Variants in TTC21A observed in about 807,000 individuals in gnomAD.
TTC21A encodes tetratricopeptide repeat domain 21A, also known as tetratricopeptide repeat protein 21A.
TTC21A carries 128 observed loss-of-function variants against 156.4 expected under a neutral mutation model. The observed-to-expected ratio is 0.82, with a 90% confidence interval of 0.71 to 0.95. The LOEUF (loss-of-function observed/expected upper bound fraction) is 0.95, where lower values mean the gene tolerates loss of function less well. Ranked by LOEUF, TTC21A falls within the 40% of genes least tolerant of loss-of-function variation. The pLI, the probability that TTC21A is intolerant of heterozygous loss-of-function variation, is 0.00. For missense variants in TTC21A, 1,435 were observed against 1,602.3 expected (o/e 0.90, Z 1.78); for synonymous variants, 587 against 617.1 (o/e 0.95, Z 0.72).
At position 39,129,155 on chromosome 3, in the gene TTC21A, G is replaced by T; in HGVS notation, c.1980G>T (p.Val660=). The T allele has an allele frequency of 6.2e-7, 1 of 1,614,266 alleles. No homozygotes were observed. The highest frequency in any genetic ancestry group is 1.3e-5 in the African/African-American group (1 of 75,070). ...AGAACCGCATCACCATTGCCAACGT[G>T]GACTTGGTCCTGAGCAAGGGCAATG... is the stretch of plus-strand genomic sequence containing the variant. ...PEENRITIAN[V]DLVLSKGNVD... The change falls in exon 15 of 29, where the codon GTG becomes GTT. Residue 660 remains valine (V), a synonymous_variant. Transcript: ENST00000683103.
At chr3:39,111,962 G>A (rs2036867242) in intron 4 of TTC21A, among the ~76,000 whole-genome samples, 1 of 152,180 alleles carries the variant, frequency 6.6e-6, no homozygotes, top group Non-Finnish European at 1.5e-5. Context: ...AGGTCCACGA[G>A]CTCAGAACGG....
chr3:39,112,558 A>C lies in TTC21A; in HGVS notation c.536A>C (p.Asp179Ala). The change falls in exon 5 of 29, where the codon GAT (aspartate) becomes GCT (alanine). Residue 179 changes from aspartate (D) to alanine (A), a missense_variant. Asp to Ala is a moderately radical substitution (Grantham distance 126, BLOSUM62 -2). Coordinates refer to ENST00000683103, the MANE Select transcript of TTC21A (RefSeq NM_001366900.1). Reference protein sequence around the residue: ...YLEQGIQDTKDVLGLMGKAMY... With the variant: ...YLEQGIQDTKAVLGLMGKAMY... ...GAACAAGGAATTCAGGACACCAAAG[A>C]TGTGCTGGGGCTGATGGGAAAGGTG... is the stretch of plus-strand genomic sequence containing the variant. 1 of 1,614,136 alleles carries C rather than the reference A, an allele frequency of 6.2e-7. No individual in the cohort carries two copies.
intron 9 of TTC21A, among the ~76,000 whole-genome samples, chr3:39,122,531 A>G (rs2037858795): frequency 6.6e-6 from 1 of 152,178 alleles, no homozygotes; most frequent in Non-Finnish European, 1.5e-5. Flanking sequence ...AAAAACTAAA[A>G]AAGACGAGCT....
Position 39,124,041 on chromosome 3 carries a change from A to C in TTC21A, c.1094-1022A>C, listed in dbSNP as rs145383462. Among the ~76,000 whole-genome samples, 15 of 152,326 alleles carry C rather than the reference A, an allele frequency of 9.8e-5. No individual in the cohort carries two copies. The East Asian group carries it at 2.7e-3, about 27-fold the overall frequency. ...GAGGTTATGAAGAAAGGATATTTTA[A>C]ATTCTTGATAGTAATATAAGTTCAA... On this transcript the variant is annotated intron_variant, in intron 9 of 28. Coordinates refer to ENST00000683103, the MANE Select transcript of TTC21A (RefSeq NM_001366900.1).
At position 39,128,347 on chromosome 3, in the gene TTC21A, C is replaced by T; in HGVS notation, c.1539C>T (p.Ala513=). 6.2e-7 allele frequency: 1 copy of T among 1,614,120 alleles called. No homozygotes were observed. Among genetic ancestry groups the T allele is most frequent in the Non-Finnish European group, 8.5e-7 (1 of 1,179,994 alleles). The stretch of plus-strand genomic sequence containing the variant: ...TATTTCTAGGAGAGCTAGAGAATGC[C>T]CAGAGCATCCTGCAGCGTTGCCTGG... ...VRYYSGELEN[A]QSILQRCLEL... The change falls in exon 13 of 29, where the codon GCC becomes GCT. Residue 513 remains alanine (A), a synonymous_variant. Coordinates refer to ENST00000683103, the MANE Select transcript of TTC21A (RefSeq NM_001366900.1).
At chr3:39,136,771 C>T in intron 23 of TTC21A, 128 bp from the exon 24 acceptor site, 1 of 1,294,954 alleles carries the variant, frequency 7.7e-7, no homozygotes, top group African/African-American at 1.5e-5. Flanking sequence ...CGCATCTCCT[C>T]CAGGGGAGCT....
chr3:39,123,850 C>A (rs1035610141), intron 9 of TTC21A, among the ~76,000 whole-genome samples: 11 of 151,924 alleles, frequency 7.2e-5, no homozygotes, highest in Admixed American at 7.2e-4. Context: ...AAAATCACCC[C>A]CCCCAAAAAA....
Position 39,134,319 on chromosome 3 carries a change from C to T in TTC21A, c.2853C>T (p.Thr951=), listed in dbSNP as rs916387868. ...ILLQTEQNHE[T]ASVLMADLMF... ...TGCAGACTGAGCAGAACCATGAGACCGCTTCTGTGGTAGGAAGCCCCCAGC... is the reference window on the plus strand; with the variant it reads ...TGCAGACTGAGCAGAACCATGAGACTGCTTCTGTGGTAGGAAGCCCCCAGC... The change falls in exon 21 of 29, where the codon ACC becomes ACT. Residue 951 remains threonine (T), a synonymous_variant. Coordinates refer to ENST00000683103, the MANE Select transcript of TTC21A (RefSeq NM_001366900.1). The surrounding 1 kb of genome is among the most constrained non-coding windows in gnomAD (Gnocchi z 4.6). 19 of 1,612,398 alleles carry T rather than the reference C, an allele frequency of 1.2e-5. No homozygotes were observed. Among genetic ancestry groups the T allele is most frequent in the African/African-American group, 9.4e-5 (7 of 74,838 alleles).
chr3:39,135,011 A>T (rs986239893), intron 21 of TTC21A, 82 bp from the exon 22 acceptor site: 2 of 1,169,080 alleles, frequency 1.7e-6, no homozygotes, highest in Admixed American at 1.7e-5. Context: ...TACCACCATC[A>T]CCCCCATACC....
At chr3:39,112,325 T>C in intron 4 of TTC21A, 133 bp from the exon 5 acceptor site, 1 of 849,562 alleles carries the variant, frequency 1.2e-6, no homozygotes, top group Admixed American at 2.4e-5. Context: ...GAGAGCTGGC[T>C]GCCCTGGGAT....
At chr3:39,115,917 T>G (rs2037253880) in intron 6 of TTC21A, among the ~76,000 whole-genome samples, 1 of 152,216 alleles carries the variant, frequency 6.6e-6, no homozygotes, top group African/African-American at 2.4e-5. Flanking sequence ...AACTTGAATC[T>G]TATAGAGAGG....
At chr3:39,126,437 A>G (rs1374921578) in intron 12 of TTC21A, 47 bp downstream of exon 12, 5 of 1,598,656 alleles carry the variant, frequency 3.1e-6, no homozygotes, top group Non-Finnish European at 3.4e-6. Context: ...CAAACACCTG[A>G]TGTAGCTTTG....
intron 1 of TTC21A, 96 bp downstream of exon 1, chr3:39,107,960 G>C (rs369395208): frequency 6.7e-7 from 1 of 1,485,260 alleles, no homozygotes. Flanking sequence ...ACCCTTCGCT[G>C]TCCTCAGTTA....
In TTC21A at chr3:39,107,875, C is replaced by G. The variant is rs774940374; in HGVS notation, c.27+11C>G. The G allele has an allele frequency of 1.9e-6, 3 of 1,612,526 alleles. No individual in the cohort carries two copies. The highest frequency in any genetic ancestry group is 2.2e-5 in the East Asian group (1 of 44,870). ...GACTCCTCCCTTATGGTGCGTGGCC[C>G]GGGCGCTGTCCGAGGGCTCCCTCGT... On this transcript the variant is annotated intron_variant, in intron 1 of 28. Coordinates refer to ENST00000683103, the MANE Select transcript of TTC21A (RefSeq NM_001366900.1).
At chr3:39,121,224 G>A in intron 9 of TTC21A, 35 bp downstream of exon 9, 1 of 1,578,434 alleles carries the variant, frequency 6.3e-7, no homozygotes, top group African/African-American at 1.3e-5. Context: ...AGGGATGGGT[G>A]TCGGGAGCCA....
chr3:39,121,795 G>A (rs2037791650), intron 9 of TTC21A, among the ~76,000 whole-genome samples: 1 of 152,150 alleles, frequency 6.6e-6, no homozygotes, highest in Non-Finnish European at 1.5e-5. Flanking sequence ...GAAGTTGTGT[G>A]GTCCAGTGCT....
chr3:39,135,721 C>G (rs889064592), intron 22 of TTC21A, among the ~76,000 whole-genome samples: 1 of 152,176 alleles, frequency 6.6e-6, no homozygotes, highest in Admixed American at 6.5e-5. Flanking sequence ...AATTATTTCT[C>G]CATGTCTCAG....
intron 9 of TTC21A, 123 bp downstream of exon 9, chr3:39,121,312 C>T (rs1033232643): frequency 7.5e-6 from 6 of 803,474 alleles, no homozygotes; most frequent in South Asian, 1.8e-5. Context: ...TTTTGGGGTA[C>T]AATGTATGAT....
chr3:39,107,778 C>G lies in TTC21A; in HGVS notation c.-60C>G, dbSNP rs1158603389. On this transcript the variant is annotated 5_prime_UTR_variant, in exon 1 of 29. Coordinates refer to ENST00000683103, the MANE Select transcript of TTC21A (RefSeq NM_001366900.1). ...CGATAGAGTGCCCACGACCCTGCCT[C>G]GGGAATCCCGCTCTGCACCGCCCCA... 3 of 1,609,624 alleles carry G rather than the reference C, an allele frequency of 1.9e-6. No homozygotes were observed. The highest frequency in any genetic ancestry group is 2.7e-5 in the African/African-American group (2 of 74,910).
Sources: allele counts gnomAD v4.1 joint callset (sites outside exome capture counted in the v4.1 genomes callset), GRCh38; gene constraint gnomAD v4.1.1; non-coding constraint Gnocchi (gnomAD v3.1); transcripts MANE v1.5; gene names NCBI Gene and HGNC (gene_info 2026-07-23, HGNC 2026-07-21).